Variants in SERPINA12 observed in about 807,000 individuals in gnomAD.
SERPINA12 encodes the protein serpin family A member 12, also known as serpin A12.
SERPINA12 carries 21 observed loss-of-function variants against 25.9 expected under a neutral mutation model. That is an observed-to-expected ratio of 0.81 (90% CI 0.58 to 1.17). The LOEUF is 1.17. Ranked by LOEUF, SERPINA12 falls within the 50% of genes most tolerant of loss-of-function variation. The pLI is 0.00. For synonymous variants in SERPINA12, 220 were observed against 196.0 expected (o/e 1.12, Z -1.02); for missense variants, 562 against 508.3 (o/e 1.11, Z -1.02).
In SERPINA12 at chr14:94,498,169, AG is replaced by A; in HGVS notation, c.228del (p.Leu77Ter). 6.2e-7 allele frequency: 1 copy of A among 1,614,118 alleles called. No individual in the cohort carries two copies. The highest frequency in any genetic ancestry group is 2.2e-5 in the East Asian group (1 of 44,880). The stretch of plus-strand genomic sequence containing the variant: ...ATGGAGAAAGCTGTAGAGATGCTCA[AG>A]GGGGATAGGAAGATGTTCCTGCCAG... ...YNPGRNIFLS[P>X]LSISTAFSML... is the part of the protein sequence containing the mutation. On this transcript the variant is annotated frameshift_variant, in exon 2 of 5. Coordinates refer to ENST00000677451, the MANE Select transcript of SERPINA12 (RefSeq NM_001382267.1). LOFTEE classifies it high-confidence loss of function.
chr14:94,515,019 C>T (rs1275227925), intron 2 of SERPINA12, among the ~76,000 whole-genome samples: 1 of 152,184 alleles, frequency 6.6e-6, no homozygotes, highest in Non-Finnish European at 1.5e-5. Context: ...CCAAAGCCAC[C>T]AGCCACACAC....
chr14:94,512,441 T>C (rs1275108863), upstream of SERPINA12, among the ~76,000 whole-genome samples: 1 of 152,224 alleles, frequency 6.6e-6, no homozygotes, highest in Non-Finnish European at 1.5e-5. Context: ...AGAGGATCAA[T>C]TAAAACTAAT....
chr14:94,512,857 A>C (rs1901144320), upstream of SERPINA12, among the ~76,000 whole-genome samples: 1 of 152,198 alleles, frequency 6.6e-6, no homozygotes, highest in African/African-American at 2.4e-5. Context: ...CTCATTTCTG[A>C]GCTTTCAGAA....
upstream of SERPINA12, among the ~76,000 whole-genome samples, chr14:94,510,630 T>C (rs1901085320): frequency 6.6e-6 from 1 of 152,022 alleles, no homozygotes; most frequent in Admixed American, 6.5e-5. Context: ...GGAAAAGAAA[T>C]CATTATATGA....
At chr14:94,495,006 C>A (rs1900336092) in intron 3 of SERPINA12, among the ~76,000 whole-genome samples, 1 of 151,862 alleles carries the variant, frequency 6.6e-6, no homozygotes, top group South Asian at 2.1e-4. Flanking sequence ...TGCTACTTGG[C>A]TCCTCCATCC....
rs773900541 is a variant in SERPINA12 at position 94,498,343 on chromosome 14, C to T, written c.55G>A (p.Gly19Ser). 1 of 1,614,164 alleles carries T rather than the reference C, an allele frequency of 6.2e-7. No homozygotes were observed. Among genetic ancestry groups the T allele is most frequent in the African/African-American group, 1.3e-5 (1 of 75,042 alleles). Residue 19 changes from glycine to serine, a missense_variant, in exon 2 of 5, where the codon GGT becomes AGT. Physicochemically the swap from Gly to Ser is moderately conservative, Grantham distance 56. Transcript: ENST00000677451. ...IFLAVLLTVK[G>S]LLKPSFSPRN... ...GGTGAGAAGCTCGGCTTTAGAAGAC[C>T]TTTCACCGTGAGGAGAACAGCCAGA...
intron 1 of SERPINA12, among the ~76,000 whole-genome samples, 63 bp downstream of exon 1, chr14:94,509,279 A>AAC (rs3065835): frequency 0.33 from 43,860 of 134,392 alleles, 7,379 homozygotes; most frequent in Non-Finnish European, 0.4. Context: ...AGAAACAGAC[A>AAC]ACACACACAC....
upstream of SERPINA12, among the ~76,000 whole-genome samples, chr14:94,512,931 G>A (rs12147719): frequency 0.31 from 47,652 of 152,098 alleles, 7,704 homozygotes; most frequent in African/African-American, 0.4. Flanking sequence ...CAGAGAAGAC[G>A]TAGTGAAGAA....
At chr14:94,493,598 T>C (rs1173606512) in intron 3 of SERPINA12, among the ~76,000 whole-genome samples, 2 of 151,614 alleles carry the variant, frequency 1.3e-5, no homozygotes, top group African/African-American at 4.8e-5. Context: ...GCCTGCACTT[T>C]ACACCTGGAC....
chr14:94,491,499 G>T (rs1484656219), intron 3 of SERPINA12, among the ~76,000 whole-genome samples: 1 of 152,102 alleles, frequency 6.6e-6, no homozygotes, highest in Admixed American at 6.6e-5. Context: ...TCTTGGTGGT[G>T]GTGGTGTGTG....
chr14:94,511,594 C>T (rs1901112245), upstream of SERPINA12: 1 of 985,410 alleles, frequency 1.0e-6, no homozygotes, highest in Non-Finnish European at 1.2e-6. Flanking sequence ...ACCGACACCA[C>T]CTTCAGTTTT....
chr14:94,510,345 A>T (rs1389419717), upstream of SERPINA12: 4 of 824,634 alleles, frequency 4.9e-6, no homozygotes, highest in Non-Finnish European at 5.9e-6. Flanking sequence ...AAAAAAGAGC[A>T]TTTGCTCAAC....
At chr14:94,512,243 CA>C (rs1365420349), upstream of SERPINA12, among the ~76,000 whole-genome samples, 1 of 152,216 alleles carries the variant, frequency 6.6e-6, no homozygotes, top group Non-Finnish European at 1.5e-5. Flanking sequence ...TGTCCCCTCT[CA>C]GGGGGCATTG....
chr14:94,492,870 C>G (rs1364802406), intron 3 of SERPINA12, among the ~76,000 whole-genome samples: 1 of 152,232 alleles, frequency 6.6e-6, no homozygotes, highest in East Asian at 1.9e-4. Context: ...GGAAACAGAG[C>G]TTTTCCTCTG....
rs1235560855 is a variant in SERPINA12, at chr14:94,489,662, A to G, written c.1011T>C (p.Asp337=). The G allele has an allele frequency of 6.2e-7, 1 of 1,614,008 alleles. No homozygotes were observed. The highest frequency in any genetic ancestry group is 1.3e-5 in the African/African-American group (1 of 74,902). ...GVSKIFEEHG[D]LTKIAPHRSL... is the part of the protein sequence containing the mutation. ...TGCGATGAGGGGCGATCTTGGTGAG[A>G]TCACCATGTTCCTCAAAGATTTTGG... Residue 337 remains aspartate, a synonymous_variant, in exon 4 of 5, where the codon GAT becomes GAC. Transcript: ENST00000677451.
At chr14:94,517,234 G>A (rs1951205) in intron 1 of SERPINA12, among the ~76,000 whole-genome samples, 123,160 of 152,260 alleles carry the variant, frequency 0.81, 50,538 homozygotes, top group African/African-American at 0.86. Flanking sequence ...TCGCAGCAGG[G>A]AGCACAGTGG....
At chr14:94,495,779 A>G (rs1377531627) in intron 3 of SERPINA12, among the ~76,000 whole-genome samples, 1 of 152,198 alleles carries the variant, frequency 6.6e-6, no homozygotes, top group Non-Finnish European at 1.5e-5. Context: ...TAAGTCCCCA[A>G]GACTTAAACC....
Position 94,487,351 on chromosome 14 carries a change from TA to T in SERPINA12, c.1196del (p.Ile399AsnfsTer?), listed in dbSNP as rs748472415. The T allele has an allele frequency of 3.0e-5, 48 of 1,614,004 alleles. No homozygotes were observed. The highest frequency in any genetic ancestry group is 3.9e-5 in the Non-Finnish European group (46 of 1,180,000). ...PYLLLIYSEK[I>X]PSVLFLGKIV... ...TCTTTCCCAGGAAGAGCACGGAAGG[TA>T]TTTTCTCGCTGTAAATCAGCAGCAG... On this transcript the variant is annotated frameshift_variant, in exon 5 of 5. Coordinates refer to ENST00000677451, the MANE Select transcript of SERPINA12 (RefSeq NM_001382267.1). LOFTEE classifies it low-confidence loss of function (END_TRUNC).
intron 3 of SERPINA12, among the ~76,000 whole-genome samples, chr14:94,491,130 GC>G (rs1304050478): frequency 6.6e-6 from 1 of 152,190 alleles, no homozygotes; most frequent in East Asian, 1.9e-4. Flanking sequence ...TGTTCTAGGT[GC>G]TGGAGATGCA....
Sources: allele counts gnomAD v4.1 joint callset (sites outside exome capture counted in the v4.1 genomes callset), GRCh38; gene constraint gnomAD v4.1.1; transcripts MANE v1.5; gene names NCBI Gene and HGNC (gene_info 2026-07-23, HGNC 2026-07-21).